Variants in ARHGEF10 observed in about 807,000 individuals in gnomAD.
ARHGEF10 encodes Rho guanine nucleotide exchange factor (GEF) 10.
ARHGEF10 carries 140 observed loss-of-function variants against 147.4 expected under a neutral mutation model. That is an observed-to-expected ratio of 0.95 (90% confidence interval 0.83 to 1.09). ARHGEF10 has a LOEUF of 1.09. ARHGEF10 is among the 50% of genes least tolerant of loss of function. The pLI is 0.00. For missense variants in ARHGEF10, 2,222 were observed against 1,752.7 expected (o/e 1.27, Z -4.78); for synonymous variants, 902 against 695.8 (o/e 1.30, Z -4.67).
intron 7 of ARHGEF10, chr8:1,870,062 C>A (rs960881538): frequency 6.5e-6 from 1 of 152,814 alleles, no homozygotes; most frequent in Non-Finnish European, 1.5e-5. Context: ...AAGTGTCGGG[C>A]GTGTGGAGAG....
At chr8:1,943,075 A>G (rs1814240195) in intron 26 of ARHGEF10, among the ~76,000 whole-genome samples, 1 of 152,200 alleles carries the variant, frequency 6.6e-6, no homozygotes, top group Non-Finnish European at 1.5e-5. Context: ...AGTGTTTTCA[A>G]AAGGAGGTGG....
At chr8:1,847,597 G>A (rs1428292460) in intron 2 of ARHGEF10, among the ~76,000 whole-genome samples, 2 of 151,946 alleles carry the variant, frequency 1.3e-5, no homozygotes, top group Admixed American at 1.3e-4. Context: ...TTGTTTCTGG[G>A]GGCAGCATTG....
At chr8:1,917,052 A>G (rs1811812422) in intron 18 of ARHGEF10, among the ~76,000 whole-genome samples, 2 of 152,250 alleles carry the variant, frequency 1.3e-5, no homozygotes, top group African/African-American at 4.8e-5. Flanking sequence ...ATTGAAACTG[A>G]GTTTATTGCA....
chr8:1,832,965 TAC>T, intron 1 of ARHGEF10, among the ~76,000 whole-genome samples: 1 of 7,918 alleles, frequency 1.3e-4, no homozygotes, highest in African/African-American at 5.4e-4. Flanking sequence ...CAGAGGCAGA[TAC>T]AGAGGCAGAG....
intron 1 of ARHGEF10, among the ~76,000 whole-genome samples, chr8:1,841,071 G>C (rs2129048701): frequency 6.6e-6 from 1 of 152,226 alleles, no homozygotes; most frequent in South Asian, 2.1e-4. Context: ...CGGGGCCTAG[G>C]CTGGGCTCTG....
chr8:1,915,469 G>C (rs1811690259), intron 18 of ARHGEF10, among the ~76,000 whole-genome samples: 1 of 152,260 alleles, frequency 6.6e-6, no homozygotes, highest in African/African-American at 2.4e-5. Flanking sequence ...GCTGTTCCAA[G>C]CCCATCCCCA....
intron 1 of ARHGEF10, among the ~76,000 whole-genome samples, chr8:1,835,511 T>G (rs1803527039): frequency 1.3e-5 from 2 of 152,186 alleles, no homozygotes; most frequent in South Asian, 4.1e-4. Context: ...GGTGACTTCC[T>G]CCCACGCAGG....
At chr8:1,932,063 G>A (rs893227748) in intron 25 of ARHGEF10, among the ~76,000 whole-genome samples, 1 of 152,176 alleles carries the variant, frequency 6.6e-6, no homozygotes, top group Non-Finnish European at 1.5e-5. Context: ...CACAGTGGGC[G>A]GTGCATAGAG....
At chr8:1,874,240 ACATTGAAAACCACC>A (rs1173492437) in intron 7 of ARHGEF10, among the ~76,000 whole-genome samples, 13 of 152,180 alleles carry the variant, frequency 8.5e-5, no homozygotes, top group South Asian at 4.1e-4. Context: ...CGTTTCTAAA[ACATTGAAAACCACC>A]CGTTTTTCAC....
At chr8:1,934,372 A>AAAG (rs1554511986) in intron 26 of ARHGEF10, among the ~76,000 whole-genome samples, 2 of 149,000 alleles carry the variant, frequency 1.3e-5, no homozygotes, top group Non-Finnish European at 3.0e-5. Context: ...AAAAAAAAAA[A>AAAG]GGAAAGGGAA....
chr8:1,902,202 A>G (rs1810523459), intron 15 of ARHGEF10, among the ~76,000 whole-genome samples: 1 of 151,002 alleles, frequency 6.6e-6, no homozygotes, highest in South Asian at 2.1e-4. Context: ...CCCTGTGTCC[A>G]TGTGATCTCA....
chr8:1,852,618 C>CT (rs1805236011), intron 2 of ARHGEF10, among the ~76,000 whole-genome samples: 1 of 152,166 alleles, frequency 6.6e-6, no homozygotes, highest in South Asian at 2.1e-4. Flanking sequence ...CTTCCTCGCC[C>CT]TTTTTTGCAT....
chr8:1,892,822 A>T (rs1809655271), intron 11 of ARHGEF10, among the ~76,000 whole-genome samples: 1 of 152,166 alleles, frequency 6.6e-6, no homozygotes. Flanking sequence ...ATGAATTGGC[A>T]AATTGGAAGT....
At position 1,933,804 on chromosome 8, in the gene ARHGEF10, A is replaced by G. The variant is rs1171021499; in HGVS notation, c.3084A>G (p.Gly1028=). The G allele has an allele frequency of 6.2e-7, 1 of 1,614,196 alleles. No homozygotes were observed. The change falls in exon 26 of 29, where the codon GGA becomes GGG. Residue 1028 remains glycine (G), a synonymous_variant. Transcript: ENST00000349830. The stretch of plus-strand genomic sequence containing the variant: ...AATGAAATATTTTCTTTTAAGATGG[A>G]TCCTGGGATTCAGAACCTCAAAAAG... The part of the protein sequence containing the change: ...AVASYARAPD[G]SWDSEPQKVI...
intron 12 of ARHGEF10, among the ~76,000 whole-genome samples, chr8:1,894,064 C>T (rs1395542731): frequency 2.6e-5 from 4 of 151,570 alleles, no homozygotes; most frequent in Non-Finnish European, 5.9e-5. Context: ...GTCCCAGCTA[C>T]TCGGGAGGCT....
At chr8:1,849,726 CACAG>C (rs1804880373) in intron 2 of ARHGEF10, among the ~76,000 whole-genome samples, 2 of 143,014 alleles carry the variant, frequency 1.4e-5, no homozygotes, top group African/African-American at 2.7e-5. Flanking sequence ...GCCACGTGGT[CACAG>C]ACAGCAAATG....
intron 9 of ARHGEF10, among the ~76,000 whole-genome samples, chr8:1,880,980 G>T (rs1481472869): frequency 1.3e-5 from 2 of 152,200 alleles, no homozygotes; most frequent in African/African-American, 4.8e-5. Context: ...TCCCCTGCAG[G>T]GTGTCTGATG....
At chr8:1,832,568 GCAGAGA>G (rs1478046985) in intron 1 of ARHGEF10, among the ~76,000 whole-genome samples, 10 of 104,690 alleles carry the variant, frequency 9.6e-5, no homozygotes, top group African/African-American at 3.4e-4. Flanking sequence ...AGAGACAGAG[GCAGAGA>G]CAGAGGCAGA....
At chr8:1,907,045 C>T (rs1347830495) in intron 17 of ARHGEF10, among the ~76,000 whole-genome samples, 1 of 152,184 alleles carries the variant, frequency 6.6e-6, no homozygotes, top group East Asian at 1.9e-4. Flanking sequence ...GAAGTGAAGC[C>T]CACTGCACCC....
Sources: allele counts gnomAD v4.1 joint callset (sites outside exome capture counted in the v4.1 genomes callset), GRCh38; gene constraint gnomAD v4.1.1; transcripts MANE v1.5; gene names NCBI Gene and HGNC (gene_info 2026-07-23, HGNC 2026-07-21).